The following ANO3 variants were observed in gnomAD, a reference collection of about 807,000 sequenced individuals.
The protein encoded by ANO3 is anoctamin-3.
A neutral mutation model predicts 144.8 loss-of-function variants in ANO3; 99 were observed. The ratio of observed to expected loss-of-function variants is 0.68; its 90% CI spans 0.58 to 0.81. ANO3 has a LOEUF of 0.81. Among genes scored for constraint, ANO3 ranks in the 30% least tolerant of loss-of-function variants. ANO3 has a pLI of 0.00. For missense variants in ANO3, 905 were observed against 1,202.2 expected (o/e 0.75, Z 3.66); for synonymous variants, 414 against 392.6 (o/e 1.05, Z -0.64).
At chr11:26,231,885 A>T (rs985347964) in intron 1 of ANO3, among the ~76,000 whole-genome samples, 3 of 152,188 alleles carry the variant, frequency 2.0e-5, no homozygotes, top group African/African-American at 7.2e-5. Flanking sequence ...TGCTTCTGCC[A>T]TTTGCAAGGT....
intron 1 of ANO3, among the ~76,000 whole-genome samples, chr11:26,235,577 A>C (rs1852501876): frequency 6.7e-6 from 1 of 148,150 alleles, no homozygotes; most frequent in Non-Finnish European, 1.5e-5. Context: ...CTATTAGCTA[A>C]AGTTTAACAA....
At chr11:26,510,132 C>A (rs1423042985) in intron 5 of ANO3, among the ~76,000 whole-genome samples, 150 of 46,462 alleles carry the variant, frequency 3.2e-3, no homozygotes, top group Admixed American at 4.4e-3. Context: ...GACTCCATCT[C>A]AAAAAAAAAA....
At chr11:26,423,474 G>A (rs1459733467) in intron 1 of ANO3, among the ~76,000 whole-genome samples, 1 of 151,162 alleles carries the variant, frequency 6.6e-6, no homozygotes, top group Non-Finnish European at 1.5e-5. Flanking sequence ...CATTAGTCTT[G>A]AAAAAATAAT....
intron 1 of ANO3, among the ~76,000 whole-genome samples, chr11:26,389,351 G>A (rs961685): frequency 0.27 from 40,362 of 151,828 alleles, 6,012 homozygotes; most frequent in African/African-American, 0.4. Flanking sequence ...ATACAATGGG[G>A]ATATTAATCA....
chr11:26,385,258 CAT>C (rs1310877857), intron 1 of ANO3, among the ~76,000 whole-genome samples: 1 of 152,052 alleles, frequency 6.6e-6, no homozygotes. Context: ...TGTTTACAAA[CAT>C]ATAAAAGGGG....
chr11:26,258,494 G>C (rs1403379956), intron 1 of ANO3, among the ~76,000 whole-genome samples: 3 of 152,152 alleles, frequency 2.0e-5, no homozygotes, highest in Non-Finnish European at 2.9e-5. Context: ...GAATCTTGAG[G>C]TCTAACTGGA....
At chr11:26,508,332 A>C in intron 5 of ANO3, 70 bp downstream of exon 5, 3 of 1,393,304 alleles carry the variant, frequency 2.2e-6, no homozygotes, top group Non-Finnish European at 2.9e-6. Context: ...TATGGTTTAG[A>C]AAGAAAAATA....
chr11:26,451,098 G>C (rs1026519854), intron 3 of ANO3, among the ~76,000 whole-genome samples: 5 of 152,182 alleles, frequency 3.3e-5, no homozygotes, highest in African/African-American at 1.2e-4. Flanking sequence ...GACTTATAGG[G>C]GAGGAGCCAA....
intron 4 of ANO3, among the ~76,000 whole-genome samples, chr11:26,501,097 C>G (rs1221429916): frequency 1.3e-5 from 2 of 152,134 alleles, no homozygotes. Flanking sequence ...TTAACAGATT[C>G]AGTAGGATAG....
At chr11:26,449,532 T>A (rs1211309596) in intron 3 of ANO3, among the ~76,000 whole-genome samples, 1 of 151,230 alleles carries the variant, frequency 6.6e-6, no homozygotes, top group Non-Finnish European at 1.5e-5. Context: ...CACGCACATC[T>A]CTTTGGAGAG....
intron 1 of ANO3, among the ~76,000 whole-genome samples, chr11:26,265,920 T>A (rs1331096481): frequency 3.9e-5 from 6 of 152,194 alleles, no homozygotes. Flanking sequence ...AAATAAAAAG[T>A]AAGCCTTTAA....
intron 1 of ANO3, among the ~76,000 whole-genome samples, chr11:26,358,643 G>C (rs1427549457): frequency 6.6e-6 from 1 of 151,796 alleles, no homozygotes; most frequent in East Asian, 1.9e-4. Context: ...TAAATATGTG[G>C]GTGTACAGTT....
chr11:26,551,291 A>T (rs1416097958), intron 12 of ANO3, among the ~76,000 whole-genome samples: 2 of 152,056 alleles, frequency 1.3e-5, no homozygotes, highest in African/African-American at 4.8e-5. Context: ...AGCAATAAAT[A>T]CAAAACAAAA....
intron 1 of ANO3, among the ~76,000 whole-genome samples, chr11:26,299,676 G>A (rs1854177779): frequency 1.3e-5 from 2 of 152,128 alleles, no homozygotes; most frequent in Non-Finnish European, 1.5e-5. Flanking sequence ...GGCAGGGGGT[G>A]CAGGGACTGG....
At chr11:26,611,815 A>G (rs1294162398) in intron 17 of ANO3, among the ~76,000 whole-genome samples, 1 of 151,966 alleles carries the variant, frequency 6.6e-6, no homozygotes, top group African/African-American at 2.4e-5. Flanking sequence ...TATATTTCCA[A>G]TTGTTATACC....
chr11:26,410,479 A>G (rs1415656044), intron 1 of ANO3, among the ~76,000 whole-genome samples: 1 of 151,878 alleles, frequency 6.6e-6, no homozygotes, highest in Non-Finnish European at 1.5e-5. Context: ...GAAATTGAAC[A>G]CAAGTTGATT....
At chr11:26,491,305 A>G (rs1241026414) in intron 4 of ANO3, among the ~76,000 whole-genome samples, 2 of 152,226 alleles carry the variant, frequency 1.3e-5, no homozygotes, top group Non-Finnish European at 2.9e-5. Context: ...TAATTTGTCT[A>G]GCCTGTATAC....
At chr11:26,391,029 C>G (rs911445508) in intron 1 of ANO3, among the ~76,000 whole-genome samples, 3 of 152,062 alleles carry the variant, frequency 2.0e-5, no homozygotes, top group African/African-American at 7.2e-5. Context: ...TGTCCTTTTT[C>G]TCTTCCACCA....
intron 1 of ANO3, among the ~76,000 whole-genome samples, chr11:26,364,436 T>C (rs1856008307): frequency 6.6e-6 from 1 of 152,230 alleles, no homozygotes; most frequent in South Asian, 2.1e-4. Flanking sequence ...CACTCTTGTG[T>C]TGCTGTAAAG....
Sources: allele counts gnomAD v4.1 joint callset (sites outside exome capture counted in the v4.1 genomes callset), GRCh38; gene constraint gnomAD v4.1.1; transcripts MANE v1.5; gene names NCBI Gene and HGNC (gene_info 2026-07-23, HGNC 2026-07-21).